Variants in TCAIM observed in about 807,000 individuals in gnomAD.
TCAIM encodes T-cell activation inhibitor, mitochondrial.
TCAIM carries 36 observed loss-of-function variants against 58.6 expected under a neutral mutation model. The ratio of observed to expected loss-of-function variants is 0.61; its 90% CI spans 0.47 to 0.81. The LOEUF (loss-of-function observed/expected upper bound fraction) is 0.81, where lower values mean the gene tolerates loss of function less well. TCAIM is among the 30% of genes least tolerant of loss of function. The probability of loss-of-function intolerance (pLI) is 0.00; values close to 1 mark genes in which losing one functional copy is unlikely to be tolerated. For missense variants in TCAIM, 466 were observed against 579.6 expected (o/e 0.80, Z 2.01); for synonymous variants, 172 against 193.6 (o/e 0.89, Z 0.93).
chr3:44,344,545 G>A (rs1420383024), intron 1 of TCAIM, among the ~76,000 whole-genome samples: 1 of 152,124 alleles, frequency 6.6e-6, no homozygotes, highest in Non-Finnish European at 1.5e-5. Flanking sequence ...ATGGTAGGGG[G>A]CAAGATAGCC....
chr3:44,380,289 T>TTCTA (rs762655096), intron 5 of TCAIM, among the ~76,000 whole-genome samples: 323 of 152,246 alleles, frequency 2.1e-3, no homozygotes, highest in Non-Finnish European at 3.6e-3. Flanking sequence ...ATTGGAATGT[T>TTCTA]TCTACAATAA....
chr3:44,390,567 G>A (rs1174272802), intron 5 of TCAIM, among the ~76,000 whole-genome samples: 1 of 152,026 alleles, frequency 6.6e-6, no homozygotes, highest in Admixed American at 6.5e-5. Context: ...AGGCTGCAGT[G>A]AGCCATGATC....
chr3:44,400,440 T>TAA lies in TCAIM; in HGVS notation c.972_973insAA (p.Gln325AsnfsTer13). On this transcript the variant is annotated frameshift_variant, in exon 9 of 11. Transcript: ENST00000342649. LOFTEE classifies it high-confidence loss of function. ...CAAATAAGCTATCTTTTAGGTGGCA[T>TAA]ACAAGTTGTTTATATTGAAGAATTA... The TAA allele has an allele frequency of 6.2e-7, 1 of 1,613,890 alleles. No homozygotes were observed. Among genetic ancestry groups the TAA allele is most frequent in the Non-Finnish European group, 8.5e-7 (1 of 1,179,900 alleles).
chr3:44,376,936 A>G (rs1311466976), intron 5 of TCAIM, among the ~76,000 whole-genome samples: 2 of 152,102 alleles, frequency 1.3e-5, no homozygotes, highest in East Asian at 3.9e-4. Flanking sequence ...AAAAATACAA[A>G]AAAATTAGCT....
chr3:44,372,322 G>A (rs1701491308), intron 5 of TCAIM, among the ~76,000 whole-genome samples: 1 of 152,142 alleles, frequency 6.6e-6, no homozygotes, highest in South Asian at 2.1e-4. Context: ...TGTGAATCAA[G>A]TGACTGCCTA....
chr3:44,339,633 TTACAATGGTTTGTA>T (rs1383298485), intron 1 of TCAIM: 1 of 152,214 alleles, frequency 6.6e-6, no homozygotes, highest in African/African-American at 2.4e-5. Context: ...AAGTAGTCAT[TTACAATGGTTTGTA>T]AATAAATTTT....
At chr3:44,373,123 A>T (rs1267969662) in intron 5 of TCAIM, among the ~76,000 whole-genome samples, 1 of 149,510 alleles carries the variant, frequency 6.7e-6, no homozygotes, top group Non-Finnish European at 1.5e-5. Flanking sequence ...GAGTTTTTTT[A>T]TTTTTATTTT....
chr3:44,347,934 A>G (rs539906377), intron 1 of TCAIM, among the ~76,000 whole-genome samples: 2 of 152,232 alleles, frequency 1.3e-5, no homozygotes, highest in Admixed American at 6.5e-5. Flanking sequence ...AAGGGCGGCA[A>G]TGAGGTGTGG....
chr3:44,385,555 C>T (rs902033388), intron 5 of TCAIM, among the ~76,000 whole-genome samples: 6 of 151,592 alleles, frequency 4.0e-5, no homozygotes, highest in Non-Finnish European at 7.4e-5. Flanking sequence ...TCCTGGCTAA[C>T]GTGGTGAAAC....
chr3:44,396,303 C>T (rs1415240474), intron 6 of TCAIM, 97 bp from the exon 7 acceptor site: 21 of 924,996 alleles, frequency 2.3e-5, no homozygotes, highest in Admixed American at 1.5e-4. Flanking sequence ...CAAAAAGAGA[C>T]TCATTGGCTT....
At chr3:44,399,418 T>C (rs1214621024) in intron 8 of TCAIM, among the ~76,000 whole-genome samples, 1 of 152,226 alleles carries the variant, frequency 6.6e-6, no homozygotes, top group African/African-American at 2.4e-5. Context: ...AATTTTTACA[T>C]AGCTATTGCT....
At position 44,392,986 on chromosome 3, in the gene TCAIM, GA is replaced by G; in HGVS notation, c.695+11del. The G allele has an allele frequency of 6.3e-7, 1 of 1,599,312 alleles. No individual in the cohort carries two copies. The highest frequency in any genetic ancestry group is 8.5e-7 in the Non-Finnish European group (1 of 1,174,058). Reference sequence around the variant, plus strand: ...CAACTCTCAGATATCAGGTAAGAAAGAAGAGAGAACCTAATTTAGAAATTGA... The same window carrying G: ...CAACTCTCAGATATCAGGTAAGAAAGAGAGAGAACCTAATTTAGAAATTGA... On this transcript the variant is annotated intron_variant, in intron 6 of 10. Coordinates refer to ENST00000342649, the MANE Select transcript of TCAIM (RefSeq NM_173826.4).
intron 5 of TCAIM, among the ~76,000 whole-genome samples, chr3:44,373,474 G>T (rs994415595): frequency 4.2e-5 from 6 of 142,562 alleles, no homozygotes; most frequent in Non-Finnish European, 9.1e-5. Context: ...GGCCAACATG[G>T]TGAAACCCCA....
chr3:44,384,818 A>G (rs185506775), intron 5 of TCAIM, among the ~76,000 whole-genome samples: 1 of 152,294 alleles, frequency 6.6e-6, no homozygotes, highest in African/African-American at 2.4e-5. Flanking sequence ...ACTTTACCAA[A>G]GGCTTTGGTC....
At chr3:44,363,106 C>T (rs1701318160) in intron 4 of TCAIM, 2 of 152,138 alleles carry the variant, frequency 1.3e-5, no homozygotes, top group Admixed American at 1.3e-4. Flanking sequence ...AGTGCTTCTG[C>T]TACCACTCTC....
chr3:44,339,627 A>C (rs1446434375), intron 1 of TCAIM: 1 of 152,202 alleles, frequency 6.6e-6, no homozygotes, highest in Non-Finnish European at 1.5e-5. Context: ...AGATTAAAGT[A>C]GTCATTTACA....
At chr3:44,368,810 G>A (rs1701420355) in intron 5 of TCAIM, among the ~76,000 whole-genome samples, 3 of 152,142 alleles carry the variant, frequency 2.0e-5, no homozygotes, top group African/African-American at 7.2e-5. Flanking sequence ...ATTTCCTGAG[G>A]TCAGGAGTTC....
chr3:44,396,971 C>CA, intron 8 of TCAIM, 137 bp downstream of exon 8: 1 of 724,946 alleles, frequency 1.4e-6, no homozygotes, highest in Middle Eastern at 4.1e-4. Flanking sequence ...ATCGCAGTAT[C>CA]AGCTGTTTTC....
Position 44,358,871 on chromosome 3 carries a change from C to T in TCAIM, c.165+995C>T, listed in dbSNP as rs1181191379. The T allele has an allele frequency of 3.0e-6, 3 of 985,208 alleles. No homozygotes were observed. In the African/African-American group the frequency reaches 5.2e-5, roughly 17 times the overall value. The allele number at this position is 985,208 out of a possible 1,614,324, so 61.0% of individuals were successfully genotyped here. ...TTTTTTTCTACTTGCAATGGAAAAT[C>T]TATTTTGCTTTTTTGCTTCTAGGAA... On this transcript the variant is annotated intron_variant, in intron 3 of 10. Coordinates refer to ENST00000342649, the MANE Select transcript of TCAIM (RefSeq NM_173826.4).
Sources: gnomAD v4.1 joint callset for allele counts (sites outside exome capture counted in the v4.1 genomes callset) on GRCh38, gnomAD v4.1.1 for gene constraint, MANE v1.5 for transcripts, NCBI Gene and HGNC (gene_info 2026-07-23, HGNC 2026-07-21) for gene names.